Variants in IGF2 observed in about 807,000 individuals in gnomAD.
IGF2 encodes the protein insulin like growth factor 2.
Under a neutral mutation model 12.0 loss-of-function variants are expected in IGF2, and 2 were observed. The observed-to-expected ratio is 0.17, with a 90% CI of 0.07 to 0.52. The LOEUF is 0.52. IGF2 is among the 20% of genes least tolerant of loss of function. The pLI is 0.95. For missense variants in IGF2, 211 were observed against 268.0 expected (o/e 0.79, Z 1.48); for synonymous variants, 105 against 110.1 (o/e 0.95, Z 0.29).
At chr11:2,137,673 C>G (rs1859176385) in intron 1 of IGF2, among the ~76,000 whole-genome samples, 1 of 152,140 alleles carries the variant, frequency 6.6e-6, no homozygotes, top group Admixed American at 6.5e-5. Flanking sequence ...CCCGGGACTC[C>G]TGTTTGGAAA....
At chr11:2,147,804 G>A in the IGF2 span, 2 of 1,247,390 alleles carry the variant, frequency 1.6e-6, no homozygotes, top group Non-Finnish European at 1.0e-6. This position sits in a 1 kb window ranked among gnomAD's most constrained non-coding sequence, Gnocchi z 7.2. Context: ...TGACTCTTCG[G>A]CCCCTGGGGA....
chr11:2,136,527 A>G (rs1034744709), intron 1 of IGF2, among the ~76,000 whole-genome samples: 13 of 152,240 alleles, frequency 8.5e-5, no homozygotes, highest in Non-Finnish European at 1.8e-4. Context: ...GCCGGGAGCC[A>G]CCACAGCAAG....
At chr11:2,144,831 G>C (rs189198756), upstream of IGF2, among the ~76,000 whole-genome samples, 5 of 152,226 alleles carry the variant, frequency 3.3e-5, no homozygotes, top group East Asian at 9.7e-4. Flanking sequence ...GGGGGATCCT[G>C]GGGCAACTAC....
chr11:2,138,750 G>A lies in IGF2; in HGVS notation c.-528C>T. ...TAGGAGCTGGGGGGGACGGGAGGGA[G>A]CGAAGGGAAGGTTGCGGGAGAAAGA... On this transcript the variant is annotated 5_prime_UTR_variant, in exon 1 of 4. Transcript: ENST00000416167. The A allele has an allele frequency of 1.1e-6, 1 of 875,260 alleles. No individual in the cohort carries two copies. Among genetic ancestry groups the A allele is most frequent in the Non-Finnish European group, 1.4e-6 (1 of 732,146 alleles). The allele number at this position is 875,260 out of a possible 1,614,324, so 54.2% of individuals were successfully genotyped here.
At chr11:2,136,103 C>T (rs1221681194) in intron 1 of IGF2, among the ~76,000 whole-genome samples, 8 of 152,182 alleles carry the variant, frequency 5.3e-5, no homozygotes, top group Admixed American at 3.3e-4. Context: ...GGGCCAGCCC[C>T]GCCCCTCCCC....
At chr11:2,134,433 C>A (rs1322590122) in intron 2 of IGF2, among the ~76,000 whole-genome samples, 1 of 152,258 alleles carries the variant, frequency 6.6e-6, no homozygotes, top group Non-Finnish European at 1.5e-5. Flanking sequence ...CCACTTCCTA[C>A]CCCCAAATGG....
In IGF2 at chr11:2,132,097, T is replaced by C. The variant is rs1180956187; in HGVS notation, c.*890A>G. ...GTGTTCATGCGTGTGCTGTGTGTTG[T>C]GTGTGTGTAGCTGCGGGGATGCATA... On this transcript the variant is annotated 3_prime_UTR_variant, in exon 4 of 4. Coordinates refer to ENST00000416167, the MANE Select transcript of IGF2 (RefSeq NM_000612.6). The C allele has an allele frequency of 1.2e-5, 2 of 170,282 alleles. No homozygotes were observed. Among genetic ancestry groups the C allele is most frequent in the Non-Finnish European group, 1.2e-5 (1 of 86,560 alleles). The allele number at this position is 170,282 out of a possible 1,614,324, so 10.5% of individuals were successfully genotyped here.
chr11:2,147,803 G>A, the IGF2 span: 6 of 1,247,352 alleles, frequency 4.8e-6, no homozygotes, highest in African/African-American at 1.6e-5. The surrounding 1 kb of genome is among the most constrained non-coding windows in gnomAD (Gnocchi z 7.2). Context: ...GTGACTCTTC[G>A]GCCCCTGGGG....
chr11:2,134,999 C>A (rs1375711335), intron 2 of IGF2, among the ~76,000 whole-genome samples: 1 of 152,220 alleles, frequency 6.6e-6, no homozygotes, highest in Non-Finnish European at 1.5e-5. Context: ...CCAAAAGGTG[C>A]AGGAAGAAAG....
At chr11:2,144,253 G>C (rs1859776568), upstream of IGF2, among the ~76,000 whole-genome samples, 1 of 152,126 alleles carries the variant, frequency 6.6e-6, no homozygotes, top group African/African-American at 2.4e-5. Flanking sequence ...CTCGGTCCCC[G>C]CGTGGGAGGT....
In IGF2 at chr11:2,132,300, C is replaced by T. The variant is rs146936885; in HGVS notation, c.*687G>A. 1 of 195,650 alleles carries T rather than the reference C, an allele frequency of 5.1e-6. No homozygotes were observed. Among genetic ancestry groups the T allele is most frequent in the South Asian group, 1.9e-4 (1 of 5,220 alleles). 12.1% of individuals were successfully genotyped at this position (195,650 alleles called of 1,614,324 possible). A position where few individuals can be genotyped will look rare whatever the true frequency, so the allele number is the denominator to read the frequency against. ...TAGTGATGGAAAAGGGAGTGAGGAG[C>T]CAGTCTGGGTTGTTGCTATTTTCGG... On this transcript the variant is annotated 3_prime_UTR_variant, in exon 4 of 4. Transcript: ENST00000416167.
At chr11:2,137,141 C>A in intron 1 of IGF2, 1 of 794,990 alleles carries the variant, frequency 1.3e-6, no homozygotes, top group Non-Finnish European at 1.5e-6. Flanking sequence ...CTGCCTCAGG[C>A]TGGAGTGGGA....
At position 2,133,708 on chromosome 11, in the gene IGF2, C is replaced by A. The variant is rs1334781914; in HGVS notation, c.158-43G>T. 2 of 1,606,698 alleles carry A rather than the reference C, an allele frequency of 1.2e-6. No homozygotes were observed. The highest frequency in any genetic ancestry group is 2.2e-5 in the South Asian group (2 of 90,226). On this transcript the variant is annotated intron_variant, in intron 2 of 3. Coordinates refer to ENST00000416167, the MANE Select transcript of IGF2 (RefSeq NM_000612.6). The surrounding 1 kb of genome is among the most constrained non-coding windows in gnomAD (Gnocchi z 8.9). ...CAGAGAGAGCCGTGTTAGCACCGCACTGACCCCAGCCCCCGGAGGCTGAAG... is the reference window on the plus strand; with the variant it reads ...CAGAGAGAGCCGTGTTAGCACCGCAATGACCCCAGCCCCCGGAGGCTGAAG...
upstream of IGF2, among the ~76,000 whole-genome samples, chr11:2,143,527 C>A (rs978794045): frequency 6.6e-6 from 1 of 152,132 alleles, no homozygotes; most frequent in Non-Finnish European, 1.5e-5. Flanking sequence ...TTGGTCAGCG[C>A]GACCACCACG....
the IGF2 span, chr11:2,146,871 C>T: frequency 1.2e-5 from 2 of 163,226 alleles, no homozygotes; most frequent in Non-Finnish European, 2.7e-5. Context: ...CACTACAGAG[C>T]TCCCTCTGGC....
rs1256428602 is a variant in IGF2 at position 2,130,262 on chromosome 11, C to A, written c.*2725G>T. On this transcript the variant is annotated 3_prime_UTR_variant, in exon 4 of 4. Coordinates refer to ENST00000416167, the MANE Select transcript of IGF2 (RefSeq NM_000612.6). ...ACACCTGAGGAGACCCTGCCCAACC[C>A]CCCCCTCCGCCCTCAGGACTTCTGG... The A allele has an allele frequency of 1.3e-5, 3 of 230,346 alleles. No homozygotes were observed. The East Asian group carries it at 1.8e-4, about 14-fold the overall frequency. 14.3% of individuals were successfully genotyped at this position (230,346 alleles called of 1,614,324 possible).
At chr11:2,144,539 G>C (rs1228295993), upstream of IGF2, among the ~76,000 whole-genome samples, 1 of 152,258 alleles carries the variant, frequency 6.6e-6, no homozygotes, top group African/African-American at 2.4e-5. Flanking sequence ...CCGGGAGGAG[G>C]GGGGTGCAGG....
upstream of IGF2, chr11:2,140,131 C>T (rs1388818796): frequency 6.2e-7 from 1 of 1,612,390 alleles, no homozygotes; most frequent in East Asian, 2.2e-5. Context: ...AGCTCAAATC[C>T]TACCTGCATG....
At position 2,133,655 on chromosome 11, in the gene IGF2, T is replaced by G; in HGVS notation, c.168A>C (p.Ala56=). ...CACGGCTGCGACGGCTCACACGGCT[T>G]GCGGGCCTGCCTGGAAGTCCCACAG... The part of the protein sequence containing the change: ...GDRGFYFSRP[A]SRVSRRSRGI... Residue 56 remains alanine, a synonymous_variant, in exon 3 of 4, where the codon GCA becomes GCC. Coordinates refer to ENST00000416167, the MANE Select transcript of IGF2 (RefSeq NM_000612.6). The surrounding 1 kb of genome is among the most constrained non-coding windows in gnomAD (Gnocchi z 8.9). 1 of 1,612,922 alleles carries G rather than the reference T, an allele frequency of 6.2e-7. No individual in the cohort carries two copies. Among genetic ancestry groups the G allele is most frequent in the African/African-American group, 1.3e-5 (1 of 75,026 alleles).
Sources: allele counts gnomAD v4.1 joint callset (sites outside exome capture counted in the v4.1 genomes callset), GRCh38; gene constraint gnomAD v4.1.1; non-coding constraint Gnocchi (gnomAD v3.1); transcripts MANE v1.5; gene names NCBI Gene and HGNC (gene_info 2026-07-23, HGNC 2026-07-21).